The following PTPRK variants were observed in gnomAD, a reference collection of about 807,000 sequenced individuals.
The protein encoded by PTPRK is protein tyrosine phosphatase receptor type K.
In PTPRK, 75 loss-of-function variants were observed where a neutral mutation model predicts 178.0. The observed-to-expected ratio is 0.42, with a 90% CI of 0.35 to 0.51. PTPRK has a LOEUF of 0.51. Ranked by LOEUF, PTPRK falls within the 20% of genes least tolerant of loss-of-function variation. The pLI is 0.02. For synonymous variants in PTPRK, 637 were observed against 620.6 expected (o/e 1.03, Z -0.39); for missense variants, 1,441 against 1,797.8 (o/e 0.80, Z 3.59).
At chr6:128,238,119 G>T in intron 5 of PTPRK, 1 of 432,456 alleles carries the variant, frequency 2.3e-6, no homozygotes, top group Non-Finnish European at 4.5e-6. Flanking sequence ...CACTACTGAA[G>T]AATGAGGCAA....
At chr6:128,364,791 T>A (rs957127479) in intron 2 of PTPRK, among the ~76,000 whole-genome samples, 10 of 152,030 alleles carry the variant, frequency 6.6e-5, no homozygotes, top group African/African-American at 1.9e-4. Flanking sequence ...TCACAACCTT[T>A]CTCCTGCACA....
chr6:128,109,903 T>A (rs531062638), intron 7 of PTPRK, among the ~76,000 whole-genome samples: 1 of 151,814 alleles, frequency 6.6e-6, no homozygotes, highest in East Asian at 1.9e-4. Context: ...TACACACTAC[T>A]TTTTTGGGGG....
At chr6:128,136,242 C>T (rs1439566004) in intron 7 of PTPRK, among the ~76,000 whole-genome samples, 1 of 152,148 alleles carries the variant, frequency 6.6e-6, no homozygotes, top group Non-Finnish European at 1.5e-5. Flanking sequence ...GGTGTTTAAG[C>T]CACCCAGTTT....
intron 3 of PTPRK, among the ~76,000 whole-genome samples, chr6:128,316,780 C>T (rs1201867290): frequency 6.8e-6 from 1 of 147,052 alleles, no homozygotes; most frequent in Non-Finnish European, 1.5e-5. Context: ...TGCAGTGGTG[C>T]GATCTCCACT....
chr6:128,083,339 T>C (rs968565118), intron 9 of PTPRK, among the ~76,000 whole-genome samples: 1 of 152,058 alleles, frequency 6.6e-6, no homozygotes, highest in African/African-American at 2.4e-5. Flanking sequence ...CAACTGAAAT[T>C]CAATGGCTTC....
At chr6:127,975,700 A>G (rs1160236916) in intron 27 of PTPRK, among the ~76,000 whole-genome samples, 1 of 152,238 alleles carries the variant, frequency 6.6e-6, no homozygotes, top group Admixed American at 6.5e-5. Context: ...TGGGGGACGA[A>G]GTCTCGCTCT....
intron 2 of PTPRK, among the ~76,000 whole-genome samples, chr6:128,392,947 C>T (rs1187300423): frequency 6.6e-6 from 1 of 151,910 alleles, no homozygotes; most frequent in Non-Finnish European, 1.5e-5. Flanking sequence ...AATTAATTTT[C>T]TAACAAGAGG....
intron 1 of PTPRK, among the ~76,000 whole-genome samples, chr6:128,449,225 A>T (rs1847443926): frequency 6.6e-6 from 1 of 152,206 alleles, no homozygotes; most frequent in East Asian, 1.9e-4. Context: ...AAGCAAACAC[A>T]CATGCATCTG....
chr6:128,009,030 CTGT>C, intron 14 of PTPRK, 97 bp downstream of exon 14: 1 of 1,101,078 alleles, frequency 9.1e-7, no homozygotes, highest in African/African-American at 1.6e-5. Flanking sequence ...AATTTTCTTC[CTGT>C]TGTTTGTTCT....
chr6:128,397,360 T>C lies in PTPRK; in HGVS notation c.223+206A>G, dbSNP rs530265141. On this transcript the variant is annotated intron_variant, in intron 2 of 29. Coordinates refer to ENST00000368226, the MANE Select transcript of PTPRK (RefSeq NM_002844.4). The stretch of plus-strand genomic sequence containing the variant: ...ATAGAAAAAAACACTAATACTTATC[T>C]TTTTTTTTTCAAAGACAACAAGGAA... Among the ~76,000 whole-genome samples, 22 of 148,608 alleles carry C rather than the reference T, an allele frequency of 1.5e-4. No homozygotes were observed. In the South Asian group the frequency reaches 4.0e-3, roughly 27 times the overall value.
chr6:128,381,991 G>A (rs1426062680), intron 2 of PTPRK, among the ~76,000 whole-genome samples: 1 of 151,630 alleles, frequency 6.6e-6, no homozygotes, highest in African/African-American at 2.4e-5. Context: ...AGACCAGCTT[G>A]GGCAACATGG....
intron 13 of PTPRK, among the ~76,000 whole-genome samples, chr6:128,019,441 C>T (rs566213377): frequency 6.6e-6 from 1 of 151,888 alleles, no homozygotes; most frequent in East Asian, 1.9e-4. Context: ...AATTGGCAGT[C>T]AGTCACATTC....
intron 1 of PTPRK, among the ~76,000 whole-genome samples, chr6:128,518,282 G>A (rs1037365656): frequency 6.6e-6 from 1 of 152,138 alleles, no homozygotes; most frequent in African/African-American, 2.4e-5. Flanking sequence ...TTTAGTTAAA[G>A]TACTTAGAAC....
intron 7 of PTPRK, among the ~76,000 whole-genome samples, chr6:128,125,602 C>CTTTT (rs869038931): frequency 1.0e-4 from 7 of 68,332 alleles, no homozygotes; most frequent in East Asian, 4.0e-4. Flanking sequence ...TTGGGCTTTT[C>CTTTT]TTTTTTTTTT....
intron 2 of PTPRK, among the ~76,000 whole-genome samples, chr6:128,350,983 T>A (rs1833044063): frequency 6.6e-6 from 1 of 152,136 alleles, no homozygotes; most frequent in Non-Finnish European, 1.5e-5. Flanking sequence ...TACAAACAAG[T>A]ATGTCTGATA....
At chr6:128,408,538 G>A (rs1841960855) in intron 1 of PTPRK, among the ~76,000 whole-genome samples, 2 of 152,204 alleles carry the variant, frequency 1.3e-5, no homozygotes, top group Admixed American at 6.5e-5. Flanking sequence ...ACAATATGTA[G>A]TATTGATCAT....
intron 15 of PTPRK, among the ~76,000 whole-genome samples, chr6:128,002,757 C>T (rs1266573272): frequency 3.3e-5 from 5 of 151,868 alleles, no homozygotes; most frequent in Admixed American, 3.3e-4. Context: ...AGAGCAAATG[C>T]ACATAATCCT....
chr6:127,989,914 T>G (rs1776413020), intron 21 of PTPRK, among the ~76,000 whole-genome samples: 1 of 152,140 alleles, frequency 6.6e-6, no homozygotes, highest in Non-Finnish European at 1.5e-5. Flanking sequence ...GATATTTTTT[T>G]GTGCCACAGG....
At chr6:128,050,437 T>G (rs1397733623) in intron 13 of PTPRK, among the ~76,000 whole-genome samples, 1 of 152,234 alleles carries the variant, frequency 6.6e-6, no homozygotes, top group Non-Finnish European at 1.5e-5. Flanking sequence ...TGATTTCTAG[T>G]ACAATTGAGA....
Sources: allele counts gnomAD v4.1 joint callset (sites outside exome capture counted in the v4.1 genomes callset), GRCh38; gene constraint gnomAD v4.1.1; transcripts MANE v1.5; gene names NCBI Gene and HGNC (gene_info 2026-07-23, HGNC 2026-07-21).